CACNB4: variants seen among roughly 807,000 people sequenced by gnomAD.
The protein encoded by CACNB4 is calcium voltage-gated channel auxiliary subunit beta 4.
CACNB4 carries 32 observed loss-of-function variants against 71.2 expected under a neutral mutation model. The observed-to-expected ratio is 0.45, with a 90% CI of 0.34 to 0.60. The LOEUF (loss-of-function observed/expected upper bound fraction) is 0.60. Among genes scored for constraint, CACNB4 ranks in the 20% least tolerant of loss-of-function variants. The probability of loss-of-function intolerance (pLI) is 0.01; values close to 1 mark genes in which losing one functional copy is unlikely to be tolerated. For missense variants in CACNB4, 464 were observed against 647.9 expected (o/e 0.72, Z 3.08); for synonymous variants, 231 against 236.9 (o/e 0.97, Z 0.23).
At chr2:152,055,275 A>AAT (rs1685666416) in intron 2 of CACNB4, among the ~76,000 whole-genome samples, 1 of 152,070 alleles carries the variant, frequency 6.6e-6, no homozygotes, top group African/African-American at 2.4e-5. Context: ...GCCTCCCAAA[A>AAT]TGCTGGGATT....
At chr2:152,065,389 A>C (rs926650606) in intron 2 of CACNB4, among the ~76,000 whole-genome samples, 1 of 60,962 alleles carries the variant, frequency 1.6e-5, no homozygotes, top group African/African-American at 3.2e-5. Flanking sequence ...TCTCAAAAGA[A>C]AAAAAAAAAA....
chr2:151,964,136 T>C (rs73001858), intron 2 of CACNB4, among the ~76,000 whole-genome samples: 1,680 of 128,618 alleles, frequency 0.013, 33 homozygotes, highest in African/African-American at 0.047. Context: ...AAATGAAAAA[T>C]AGTCTAAATC....
At chr2:151,912,571 T>C (rs959367511) in intron 2 of CACNB4, among the ~76,000 whole-genome samples, 1 of 152,068 alleles carries the variant, frequency 6.6e-6, no homozygotes, top group African/African-American at 2.4e-5. Context: ...TTTGCTGAAG[T>C]GTTTTACTTC....
chr2:151,910,515 G>A lies in CACNB4; in HGVS notation c.148-27145C>T, dbSNP rs184671589. Among the ~76,000 whole-genome samples the A allele has an allele frequency of 9.2e-5, 14 of 152,284 alleles. No homozygotes were observed. The East Asian group carries it at 2.7e-3, about 29-fold the overall frequency. On this transcript the variant is annotated intron_variant, in intron 2 of 13. Transcript: ENST00000539935. The stretch of plus-strand genomic sequence containing the variant: ...GGAAGGGGTCCAGTGTCAGTTTTCT[G>A]CATATGGCTAGCTAGTTTTCCCAGC...
intron 6 of CACNB4, chr2:151,872,155 T>C (rs1362739039): frequency 1.2e-5 from 4 of 336,298 alleles, no homozygotes; most frequent in African/African-American, 8.9e-5. Context: ...TTTTTGAATA[T>C]CAATTTACAC....
intron 12 of CACNB4, among the ~76,000 whole-genome samples, chr2:151,849,687 A>T (rs2099838532): frequency 6.6e-6 from 1 of 152,212 alleles, no homozygotes; most frequent in Non-Finnish European, 1.5e-5. Context: ...GCTGCCACGT[A>T]AGAGCCTGTA....
At chr2:151,962,212 A>G (rs1180448355) in intron 2 of CACNB4, among the ~76,000 whole-genome samples, 1 of 152,174 alleles carries the variant, frequency 6.6e-6, no homozygotes, top group Non-Finnish European at 1.5e-5. Flanking sequence ...CATCCTTCTC[A>G]AGGTAGCTTT....
intron 2 of CACNB4, among the ~76,000 whole-genome samples, chr2:151,986,392 A>G (rs1005619354): frequency 2.0e-5 from 3 of 152,216 alleles, no homozygotes; most frequent in African/African-American, 4.8e-5. Context: ...TCTGTATTTT[A>G]TGGGTCAGTG....
intron 2 of CACNB4, among the ~76,000 whole-genome samples, chr2:151,894,955 A>T (rs1295637857): frequency 1.3e-5 from 2 of 152,156 alleles, no homozygotes; most frequent in African/African-American, 4.8e-5. Flanking sequence ...CATGGATCAG[A>T]AGAATTAATA....
intron 8 of CACNB4, 197 bp from the exon 9 acceptor site, chr2:151,869,432 G>A: frequency 1.9e-6 from 1 of 530,400 alleles, no homozygotes; most frequent in Non-Finnish European, 3.4e-6. Flanking sequence ...ACCCCCCTTG[G>A]TTCTCCTCCA....
chr2:151,869,402 A>T (rs2099844030), intron 8 of CACNB4, 167 bp from the exon 9 acceptor site: 11 of 556,400 alleles, frequency 2.0e-5, no homozygotes, highest in Non-Finnish European at 3.3e-5. Context: ...ATGCTTAACC[A>T]TGTGCAATTG....
At chr2:151,863,726 G>GA (rs1362659510) in intron 9 of CACNB4, among the ~76,000 whole-genome samples, 1 of 152,000 alleles carries the variant, frequency 6.6e-6, no homozygotes, top group Non-Finnish European at 1.5e-5. Flanking sequence ...ACCAAAGTTT[G>GA]AAAAAATTCA....
Position 152,098,583 on chromosome 2 carries a change from CA to C in CACNB4, c.64-171del. The C allele has an allele frequency of 2.0e-6, 2 of 1,018,182 alleles. No individual in the cohort carries two copies. The highest frequency in any genetic ancestry group is 3.0e-6 in the Non-Finnish European group (2 of 659,026). The allele number at this position is 1,018,182 out of a possible 1,614,324, so 63.1% of individuals were successfully genotyped here. A position where few individuals can be genotyped will look rare whatever the true frequency, so the allele number is the denominator to read the frequency against. On this transcript the variant is annotated intron_variant, in intron 1 of 13. Coordinates refer to ENST00000539935, the MANE Select transcript of CACNB4 (RefSeq NM_000726.5). The surrounding 1 kb of genome is among the most constrained non-coding windows in gnomAD (Gnocchi z 5.3). Reference sequence around the variant, plus strand: ...AATACAGCCCCCACCCCCACCCACCCACTGCAAGCCTCGACTGCTGAAAAGA... The same window carrying C: ...AATACAGCCCCCACCCCCACCCACCCCTGCAAGCCTCGACTGCTGAAAAGA...
intron 2 of CACNB4, among the ~76,000 whole-genome samples, chr2:151,927,801 C>A (rs16830451): frequency 0.1 from 15,565 of 152,268 alleles, 2,596 homozygotes; most frequent in African/African-American, 0.35. Context: ...AGCAAGACTG[C>A]AAAGAGAGGC....
intron 2 of CACNB4, among the ~76,000 whole-genome samples, chr2:152,070,009 AT>A (rs951395509): frequency 1.3e-5 from 2 of 151,658 alleles, no homozygotes; most frequent in Admixed American, 6.6e-5. Context: ...CGCCTGGCTA[AT>A]TTTTTTGTAT....
At chr2:152,096,350 G>C (rs1429827741) in intron 2 of CACNB4, among the ~76,000 whole-genome samples, 1 of 152,120 alleles carries the variant, frequency 6.6e-6, no homozygotes, top group Non-Finnish European at 1.5e-5. Flanking sequence ...CAGGCGTGAT[G>C]GCGGGTGCCT....
chr2:152,051,254 T>G (rs1685416197), intron 2 of CACNB4, among the ~76,000 whole-genome samples: 1 of 152,196 alleles, frequency 6.6e-6, no homozygotes, highest in African/African-American at 2.4e-5. Context: ...TATCAACTTT[T>G]TTTTTGAACA....
intron 2 of CACNB4, among the ~76,000 whole-genome samples, chr2:151,941,905 A>T (rs1447215010): frequency 6.6e-6 from 1 of 152,200 alleles, no homozygotes; most frequent in East Asian, 1.9e-4. Context: ...GATTGTAAAT[A>T]AAAAATGAAA....
intron 2 of CACNB4, among the ~76,000 whole-genome samples, chr2:151,983,554 T>G (rs569671489): frequency 6.6e-6 from 1 of 152,058 alleles, no homozygotes; most frequent in South Asian, 2.1e-4. Context: ...AGCCAAATAA[T>G]AAAAATAATG....
Sources: allele counts gnomAD v4.1 joint callset (sites outside exome capture counted in the v4.1 genomes callset), GRCh38; gene constraint gnomAD v4.1.1; non-coding constraint Gnocchi (gnomAD v3.1); transcripts MANE v1.5; gene names NCBI Gene and HGNC (gene_info 2026-07-23, HGNC 2026-07-21).